ZNF438: variants seen among roughly 807,000 people sequenced by gnomAD.
ZNF438 encodes zinc finger protein 438.
Under a neutral mutation model 38.0 loss-of-function variants are expected in ZNF438, and 25 were observed. The ratio of observed to expected loss-of-function variants is 0.66; its 90% confidence interval spans 0.48 to 0.92. ZNF438 has a LOEUF of 0.92. Ranked by LOEUF, ZNF438 falls within the 40% of genes least tolerant of loss-of-function variation. The pLI is 0.00. For synonymous variants in ZNF438, 372 were observed against 364.1 expected, an observed-to-expected ratio of 1.02 and a Z score of -0.25; for missense variants, 1,007 against 999.6, an observed-to-expected ratio of 1.01 and a Z score of -0.10.
At chr10:30,892,662 CCCT>C (rs1346470353) in intron 3 of ZNF438, among the ~76,000 whole-genome samples, 3 of 152,054 alleles carry the variant, frequency 2.0e-5, no homozygotes, top group Non-Finnish European at 4.4e-5. Flanking sequence ...CCCCCAATTC[CCCT>C]CCTCAGAGGC....
At chr10:30,919,178 A>C (rs2043998928) in intron 2 of ZNF438, 2 of 151,988 alleles carry the variant, frequency 1.3e-5, no homozygotes, top group Admixed American at 1.3e-4. Context: ...TGAACTACTA[A>C]TTTTATTTTC....
Position 30,955,311 on chromosome 10 carries a change from C to T in ZNF438, c.-191-13660G>A, listed in dbSNP as rs56314403. 1.2e-3 allele frequency among the ~76,000 whole-genome samples: 177 copies of T among 152,264 alleles called. 1 individual carries two copies. Among genetic ancestry groups the T allele is most frequent in the African/African-American group, 4.2e-3 (174 of 41,556 alleles). ...TGGACTGTGGTGGATTAAAGATGGC[C>T]ACAAATGTTTTGATACTTCTTCCAC... On this transcript the variant is annotated intron_variant, in intron 1 of 5. Coordinates refer to ENST00000413025, the Ensembl canonical transcript of ZNF438.
At chr10:30,979,144 A>C (rs752074170) in intron 1 of ZNF438, among the ~76,000 whole-genome samples, 1 of 152,238 alleles carries the variant, frequency 6.6e-6, no homozygotes, top group Non-Finnish European at 1.5e-5. Context: ...GATTCCTTTC[A>C]AAATATTATT....
chr10:30,949,890 A>G (rs2047953574), intron 1 of ZNF438, among the ~76,000 whole-genome samples: 2 of 152,194 alleles, frequency 1.3e-5, no homozygotes, highest in South Asian at 4.1e-4. Context: ...CTCTGCACCA[A>G]GCGGACCTAA....
chr10:30,850,581 GCTC>G (rs2132780484), intron 4 of ZNF438, among the ~76,000 whole-genome samples: 1 of 152,232 alleles, frequency 6.6e-6, no homozygotes, highest in South Asian at 2.1e-4. Context: ...TGGTTCCTTA[GCTC>G]CTATTATGTT....
chr10:30,991,150 C>T (rs1328966349), intron 1 of ZNF438, among the ~76,000 whole-genome samples: 2 of 152,222 alleles, frequency 1.3e-5, no homozygotes, highest in East Asian at 3.9e-4. Flanking sequence ...GTCTGTTTTA[C>T]TTACTCGAGA....
intron 1 of ZNF438, among the ~76,000 whole-genome samples, chr10:30,994,321 G>C (rs1351856206): frequency 1.3e-5 from 2 of 152,222 alleles, no homozygotes; most frequent in Non-Finnish European, 2.9e-5. Flanking sequence ...TGGAAACTTG[G>C]TCCTGAATGC....
rs2031793652 is a variant in ZNF438, at chr10:30,845,571, TCCCTGAAAAGG to T, written c.1875-9_1876del. ...GTCTTCTTCCAGGTTGGACTTGTTTTCCCTGAAAAGGCCAATAATAATGAAGATAAGATTTC... is the reference window on the plus strand; with the variant it reads ...GTCTTCTTCCAGGTTGGACTTGTTTTCCAATAATAATGAAGATAAGATTTC... On this transcript the variant is annotated splice_acceptor_variant and splice_polypyrimidine_tract_variant and coding_sequence_variant and intron_variant, in exon 6 of 6. Coordinates refer to ENST00000413025, the Ensembl canonical transcript of ZNF438. LOFTEE classifies it high-confidence loss of function. 1.9e-6 allele frequency: 3 copies of T among 1,606,794 alleles called. No homozygotes were observed. The highest frequency in any genetic ancestry group is 2.5e-6 in the Non-Finnish European group (3 of 1,177,158).
intron 4 of ZNF438, among the ~76,000 whole-genome samples, chr10:30,855,151 G>T (rs1473309506): frequency 2.0e-5 from 3 of 152,132 alleles, no homozygotes; most frequent in Non-Finnish European, 4.4e-5. Flanking sequence ...AAATCACATA[G>T]GAAGAGCAAG....
chr10:30,958,369 T>C (rs553286357), intron 1 of ZNF438, among the ~76,000 whole-genome samples: 1 of 147,388 alleles, frequency 6.8e-6, no homozygotes, highest in South Asian at 2.2e-4. Context: ...TCCTAAAATA[T>C]TGATAAATTT....
chr10:30,928,180 A>C (rs913956805), intron 2 of ZNF438, among the ~76,000 whole-genome samples: 1 of 152,220 alleles, frequency 6.6e-6, no homozygotes, highest in Non-Finnish European at 1.5e-5. Context: ...TTTACACACT[A>C]GAATTTAGAA....
chr10:30,850,157 A>G (rs1196093293), exon 5 of ZNF438: 1 of 1,614,180 alleles, frequency 6.2e-7, no homozygotes, highest in Non-Finnish European at 8.5e-7. Context: ...AGCAACCTGC[A>G]TCAGGGCATA....
At chr10:30,991,486 T>C (rs905692644) in intron 1 of ZNF438, among the ~76,000 whole-genome samples, 4 of 152,204 alleles carry the variant, frequency 2.6e-5, no homozygotes, top group African/African-American at 9.7e-5. Context: ...AAGTGGCTAA[T>C]GCCCATGCTC....
chr10:30,932,073 T>C (rs763981703), intron 2 of ZNF438, among the ~76,000 whole-genome samples: 4 of 152,172 alleles, frequency 2.6e-5, no homozygotes, highest in South Asian at 2.1e-4. Flanking sequence ...CTACAGGCCA[T>C]TGTGCTCAGC....
intron 1 of ZNF438, among the ~76,000 whole-genome samples, chr10:31,007,494 C>A (rs1448617672): frequency 2.0e-5 from 3 of 152,066 alleles, no homozygotes; most frequent in Non-Finnish European, 4.4e-5. Flanking sequence ...GTTGGTCAGG[C>A]TGGTCTCCAT....
intron 1 of ZNF438, among the ~76,000 whole-genome samples, chr10:31,002,630 C>T (rs879287532): frequency 6.6e-5 from 10 of 152,138 alleles, no homozygotes; most frequent in Non-Finnish European, 1.2e-4. Flanking sequence ...ACATACAGGC[C>T]ATTATCCTCC....
rs1185346527 is a variant in ZNF438 at position 31,028,232 on chromosome 10, C to T, written c.-192+3601G>A. Among the ~76,000 whole-genome samples the T allele has an allele frequency of 3.9e-5, 6 of 152,172 alleles. No homozygotes were observed. In the East Asian group the frequency reaches 9.6e-4, roughly 24 times the overall value. The stretch of plus-strand genomic sequence containing the variant: ...GAACTTTGGCATGACACACTTAAAC[C>T]GGTGGAAACCTGCCTGAATACTTCA... On this transcript the variant is annotated intron_variant, in intron 1 of 5. Transcript: ENST00000413025.
chr10:30,929,548 T>C (rs1288414482), intron 2 of ZNF438, among the ~76,000 whole-genome samples: 1 of 152,210 alleles, frequency 6.6e-6, no homozygotes, highest in Non-Finnish European at 1.5e-5. Context: ...GCAAGATTTA[T>C]TGCAAAGAGT....
At chr10:30,857,857 C>T in intron 4 of ZNF438, 3 of 934,256 alleles carry the variant, frequency 3.2e-6, no homozygotes, top group Non-Finnish European at 4.3e-6. Context: ...AATGTCTTAC[C>T]CAGCTTTATT....
Sources: allele counts gnomAD v4.1 joint callset (sites outside exome capture counted in the v4.1 genomes callset), GRCh38; gene constraint gnomAD v4.1.1; transcripts MANE v1.5; gene names NCBI Gene and HGNC (gene_info 2026-07-23, HGNC 2026-07-21).